COLGALT1: variants seen among roughly 807,000 people sequenced by gnomAD.
The protein encoded by COLGALT1 is procollagen galactosyltransferase 1.
Under a neutral mutation model 60.8 loss-of-function variants are expected in COLGALT1, and 43 were observed. The observed-to-expected ratio is 0.71, with a 90% CI of 0.55 to 0.91. The LOEUF (loss-of-function observed/expected upper bound fraction) is 0.91, where lower values mean the gene tolerates loss of function less well. Among genes scored for constraint, COLGALT1 ranks in the 40% least tolerant of loss-of-function variants. The pLI is 0.00. For synonymous variants in COLGALT1, 369 were observed against 374.2 expected (o/e 0.99, Z 0.16); for missense variants, 845 against 880.0 (o/e 0.96, Z 0.50).
At position 17,581,253 on chromosome 19, in the gene COLGALT1, C is replaced by G. The variant is rs2076380046; in HGVS notation, c.1678C>G (p.His560Asp). 6 of 1,611,854 alleles carry G rather than the reference C, an allele frequency of 3.7e-6. No individual in the cohort carries two copies. Among genetic ancestry groups the G allele is most frequent in the Non-Finnish European group, 4.2e-6 (5 of 1,179,990 alleles). Residue 560 changes from histidine (H) to aspartate (D), a missense_variant, in exon 12 of 12, where the codon CAC becomes GAC. Transcript: ENST00000252599. Reference protein sequence around the residue: ...SVEPLLIYPTHYTGDDGYVSD... With the variant: ...SVEPLLIYPTDYTGDDGYVSD... ...GGAGCCGCTGCTCATCTACCCCACA[C>G]ACTACACAGGAGACGATGGCTATGT...
rs770728745 is a variant in COLGALT1 at position 17,567,460 on chromosome 19, G to A, written c.544G>A (p.Ala182Thr). 9.3e-6 allele frequency: 15 copies of A among 1,613,950 alleles called. No individual in the cohort carries two copies. The highest frequency in any genetic ancestry group is 4.5e-5 in the East Asian group (2 of 44,894). Residue 182 changes from alanine to threonine, a missense_variant, in exon 4 of 12, where the codon GCT becomes ACT. Transcript: ENST00000252599. The stretch of plus-strand genomic sequence containing the variant: ...CCCTGACACACTGAGCCTGCTCATC[G>A]CTGAGAACAAGACGGTGGTCGCCCC... The part of the protein sequence containing the change: ...LNPDTLSLLI[A>T]ENKTVVAPML...
intron 10 of COLGALT1, 152 bp from the exon 11 acceptor site, chr19:17,580,547 C>T: frequency 1.4e-6 from 1 of 715,784 alleles, no homozygotes; most frequent in Non-Finnish European, 2.3e-6. Context: ...CCCCTGGGCT[C>T]CTGCATTCAC....
At position 17,579,621 on chromosome 19, in the gene COLGALT1, T is replaced by C. The variant is rs372493352; in HGVS notation, c.1394+12T>C. 167 of 1,574,276 alleles carry C rather than the reference T, an allele frequency of 1.1e-4. 1 individual carries two copies. Among genetic ancestry groups the C allele is most frequent in the South Asian group, 4.2e-4 (37 of 88,134 alleles). ...GACTGGGACCTCATGTGAGTGGGGG[T>C]CTGAGGATGGGGTGAAGCTGGGGCC... On this transcript the variant is annotated intron_variant, in intron 10 of 11. Transcript: ENST00000252599.
Position 17,560,351 on chromosome 19 carries a change from C to T in COLGALT1, c.375C>T (p.Ser125=), listed in dbSNP as rs1218609375. The T allele has an allele frequency of 1.9e-6, 3 of 1,613,644 alleles. No individual in the cohort carries two copies. Among genetic ancestry groups the T allele is most frequent in the African/African-American group, 2.7e-5 (2 of 74,932 alleles). The change falls in exon 3 of 12, where the codon TCC becomes TCT. Residue 125 remains serine (S), a synonymous_variant. Transcript: ENST00000252599. ...VEWRPAEEPR[S]YPDEEGPKHW... is the part of the protein sequence containing the mutation. ...CATCACAGCTGCCTCCCCATAGGTCCTACCCGGACGAGGAAGGCCCGAAAC... is the reference window on the plus strand; with the variant it reads ...CATCACAGCTGCCTCCCCATAGGTCTTACCCGGACGAGGAAGGCCCGAAAC...
rs1310715530 is a variant in COLGALT1, at chr19:17,555,864, G to C, written c.151G>C (p.Ala51Pro). 1 of 1,374,382 alleles carries C rather than the reference G, an allele frequency of 7.3e-7. No individual in the cohort carries two copies. Among genetic ancestry groups the C allele is most frequent in the Non-Finnish European group, 9.4e-7 (1 of 1,059,764 alleles). The allele number at this position is 1,374,382 out of a possible 1,614,324, so 85.1% of individuals were successfully genotyped here. A position where few individuals can be genotyped will look rare whatever the true frequency, so the allele number is the denominator to read the frequency against. ...ERWSPESPLQ[A>P]PRVLIALLAR... The stretch of plus-strand genomic sequence containing the variant: ...CTGGAGCCCGGAGTCGCCCCTGCAG[G>C]CGCCGCGCGTGCTCATCGCGCTGTT... Residue 51 changes from alanine (A) to proline (P), a missense_variant, in exon 1 of 12, where the codon GCG (alanine) becomes CCG (proline). Physicochemically the swap from Ala to Pro is conservative, Grantham distance 27 (BLOSUM62 -1). Coordinates refer to ENST00000252599, the MANE Select transcript of COLGALT1 (RefSeq NM_024656.4).
chr19:17,566,881 A>G (rs2076282312), intron 3 of COLGALT1, among the ~76,000 whole-genome samples: 1 of 152,142 alleles, frequency 6.6e-6, no homozygotes, highest in Admixed American at 6.6e-5. Context: ...TGAGAGGCCG[A>G]GGTGGACGAA....
rs145877512 is a variant in COLGALT1 at position 17,574,040 on chromosome 19, C to A, written c.949+1438C>A. Among the ~76,000 whole-genome samples, 869 of 152,004 alleles carry A rather than the reference C, an allele frequency of 5.7e-3. 2 individuals are homozygous for A. The highest frequency in any genetic ancestry group is 0.011 in the Admixed American group (173 of 15,278). On this transcript the variant is annotated intron_variant, in intron 6 of 11. Coordinates refer to ENST00000252599, the MANE Select transcript of COLGALT1 (RefSeq NM_024656.4). ...ATGAACTATGAAACCAGCAGCCGTC[C>A]CTCTAAAACTGGAGGAGCACGCAGG... is the stretch of plus-strand genomic sequence containing the variant.
In COLGALT1 at chr19:17,572,572, A is replaced by G. The variant is rs774229904; in HGVS notation, c.919A>G (p.Ser307Gly). 8.1e-6 allele frequency: 13 copies of G among 1,614,016 alleles called. No individual in the cohort carries two copies. In the South Asian group the frequency reaches 1.4e-4, roughly 18 times the overall value. Residue 307 changes from serine to glycine, a missense_variant, in exon 6 of 12, where the codon AGC (serine) becomes GGC (glycine). Physicochemically the swap from Ser to Gly is moderately conservative, Grantham distance 56. Coordinates refer to ENST00000252599, the MANE Select transcript of COLGALT1 (RefSeq NM_024656.4). ...AHSTLQDEAE[S>G]FMHVQLEVMV... Reference sequence around the variant, plus strand: ...CAGCACCCTCCAGGATGAGGCCGAGAGCTTCATGCATGTGCAGCTGGAGGT... The same window carrying G: ...CAGCACCCTCCAGGATGAGGCCGAGGGCTTCATGCATGTGCAGCTGGAGGT...
chr19:17,569,443 GTT>G (rs368282718), intron 5 of COLGALT1, among the ~76,000 whole-genome samples: 1 of 143,410 alleles, frequency 7.0e-6, no homozygotes, highest in Admixed American at 7.1e-5. Flanking sequence ...ATTTTCTTTT[GTT>G]TTTTTTTTTT....
At chr19:17,566,572 C>T (rs944901783) in intron 3 of COLGALT1, among the ~76,000 whole-genome samples, 2 of 151,808 alleles carry the variant, frequency 1.3e-5, no homozygotes, top group African/African-American at 4.8e-5. Context: ...CGCTTTGAGC[C>T]CAGGAGTTCA....
intron 3 of COLGALT1, among the ~76,000 whole-genome samples, 157 bp from the exon 4 acceptor site, chr19:17,567,249 G>A (rs1315142495): frequency 6.6e-6 from 1 of 152,212 alleles, no homozygotes; most frequent in Middle Eastern, 3.2e-3. Flanking sequence ...GGATCCTGCA[G>A]GCCCCCAAAA....
At chr19:17,579,877 CAGGCGTGGCCAACCCTTGG>C (rs2076368628) in intron 10 of COLGALT1, 1 of 454,752 alleles carries the variant, frequency 2.2e-6, no homozygotes, top group African/African-American at 1.9e-5. Flanking sequence ...GTCAGGGTGG[CAGGCGTGGCCAACCCTTGG>C]AAGCGTAGCA....
Position 17,577,366 on chromosome 19 carries a change from C to T in COLGALT1, c.1032C>T (p.Phe344=). The part of the protein sequence containing the change: ...TPDKMGFDEV[F]MINLRRRQDR... ...GGGGACTCTCCGGGCTGCAGGTCTT[C>T]ATGATCAACCTGAGGCGGCGGCAGG... The change falls in exon 8 of 12, where the codon TTC becomes TTT. Residue 344 remains phenylalanine (F), a synonymous_variant. Coordinates refer to ENST00000252599, the MANE Select transcript of COLGALT1 (RefSeq NM_024656.4). 6.2e-7 allele frequency: 1 copy of T among 1,601,442 alleles called. No homozygotes were observed. The highest frequency in any genetic ancestry group is 1.3e-5 in the African/African-American group (1 of 74,722).
At chr19:17,579,203 G>T (rs923441752) in intron 9 of COLGALT1, among the ~76,000 whole-genome samples, 1 of 151,942 alleles carries the variant, frequency 6.6e-6, no homozygotes, top group African/African-American at 2.4e-5. Context: ...AGAAAAACTT[G>T]TTATCGAATG....
rs2076355531 is a variant in COLGALT1 at position 17,578,050 on chromosome 19, G to A, written c.1227G>A (p.Glu409=). 1 of 1,612,038 alleles carries A rather than the reference G, an allele frequency of 6.2e-7. No homozygotes were observed. The highest frequency in any genetic ancestry group is 1.7e-5 in the Admixed American group (1 of 59,968). The change falls in exon 9 of 12, where the codon GAG becomes GAA. Residue 409 remains glutamate, a synonymous_variant. Transcript: ENST00000252599. Reference sequence around the variant, plus strand: ...ACGGCCGGCCCCTCACCAAGGGTGAGCTGGGCTGCTTCCTGAGCCACTACA... The same window carrying A: ...ACGGCCGGCCCCTCACCAAGGGTGAACTGGGCTGCTTCCTGAGCCACTACA... The part of the protein sequence containing the change: ...PYHGRPLTKG[E]LGCFLSHYNI...
At chr19:17,570,690 C>CT (rs2076307580) in intron 5 of COLGALT1, among the ~76,000 whole-genome samples, 1 of 152,056 alleles carries the variant, frequency 6.6e-6, no homozygotes, top group Admixed American at 6.6e-5. Flanking sequence ...CTTAGCCTCC[C>CT]TAGTAGCTGG....
intron 3 of COLGALT1, among the ~76,000 whole-genome samples, chr19:17,563,559 C>CA: frequency 6.6e-6 from 1 of 152,290 alleles, no homozygotes; most frequent in South Asian, 2.1e-4. Context: ...CCGTGTTGGC[C>CA]AGCATGGTCT....
intron 6 of COLGALT1, 192 bp from the exon 7 acceptor site, chr19:17,577,003 T>TGAGAGGCAGGACTGGGGGCGGGGTGACGA: frequency 1.7e-6 from 1 of 587,596 alleles, no homozygotes; most frequent in Non-Finnish European, 3.0e-6. Flanking sequence ...TGGCCAGGGC[T>TGAGAGGCAGGACTGGGGGCGGGGTGACGA]TTGGGCTGCT....
intron 3 of COLGALT1, among the ~76,000 whole-genome samples, chr19:17,562,489 C>G (rs956021482): frequency 2.0e-5 from 3 of 152,198 alleles, no homozygotes; most frequent in South Asian, 2.1e-4. Flanking sequence ...ATGGTGAAAC[C>G]CTGTTTCTAC....
Sources: allele counts gnomAD v4.1 joint callset (sites outside exome capture counted in the v4.1 genomes callset), GRCh38; gene constraint gnomAD v4.1.1; transcripts MANE v1.5; gene names NCBI Gene and HGNC (gene_info 2026-07-23, HGNC 2026-07-21).